Variants in DOCK3 observed in about 807,000 individuals in gnomAD.
DOCK3 encodes the protein dedicator of cytokinesis 3.
A neutral mutation model predicts 265.6 loss-of-function variants in DOCK3; 60 were observed. That is an observed-to-expected ratio of 0.23 (90% CI 0.18 to 0.28). The LOEUF is 0.28. DOCK3 is among the 10% of genes least tolerant of loss of function. The pLI, the probability that DOCK3 is intolerant of heterozygous loss-of-function variation, is 1.00. For synonymous variants in DOCK3, 881 were observed against 938.0 expected (o/e 0.94, Z 1.11); for missense variants, 1,981 against 2,594.3 (o/e 0.76, Z 5.14).
At chr3:51,321,497 T>A (rs2083724397) in intron 32 of DOCK3, among the ~76,000 whole-genome samples, 2 of 152,132 alleles carry the variant, frequency 1.3e-5, no homozygotes, top group Admixed American at 1.3e-4. Flanking sequence ...TTGACAGAAG[T>A]AGGCTTTGGA....
rs1392875011 is a variant in DOCK3 at position 51,202,147 on chromosome 3, G to A, written c.1038-6627G>A. On this transcript the variant is annotated intron_variant, in intron 12 of 52. Transcript: ENST00000266037. Reference sequence around the variant, plus strand: ...CAAGAGCAAACACATTCAAAAGCTAGCAGAAGGCAAGAAATAACTAAGAGC... The same window carrying A: ...CAAGAGCAAACACATTCAAAAGCTAACAGAAGGCAAGAAATAACTAAGAGC... 3.5e-4 allele frequency among the ~76,000 whole-genome samples: 28 copies of A among 80,062 alleles called. No homozygotes were observed. In the South Asian group the frequency reaches 0.014, roughly 41 times the overall value. 52.5% of individuals were successfully genotyped at this position (80,062 alleles called of 152,430 possible).
rs148303499 is a variant in DOCK3 at position 51,360,459 on chromosome 3, A to G, written c.4885-52A>G. On this transcript the variant is annotated intron_variant, in intron 46 of 52. Coordinates refer to ENST00000266037, the MANE Select transcript of DOCK3 (RefSeq NM_004947.5). ...AGTCAGTTATTCCCTCACATCCCTT[A>G]GTTACTTATTTATTCTTTACTCTCT... 11 of 1,567,434 alleles carry G rather than the reference A, an allele frequency of 7.0e-6. No individual in the cohort carries two copies. The East Asian group carries it at 1.8e-4, about 26-fold the overall frequency.
At chr3:50,754,180 A>AAAAC (rs2040014167) in intron 1 of DOCK3, among the ~76,000 whole-genome samples, 2 of 150,830 alleles carry the variant, frequency 1.3e-5, no homozygotes, top group Non-Finnish European at 3.0e-5. Context: ...AAAAAAAAAA[A>AAAAC]AGCTGCAGGA....
rs369527068 is a variant in DOCK3, at chr3:51,339,947, GTATCT to G, written c.3766+925_3766+929del. On this transcript the variant is annotated intron_variant, in intron 37 of 52. Coordinates refer to ENST00000266037, the MANE Select transcript of DOCK3 (RefSeq NM_004947.5). Reference sequence around the variant, plus strand: ...CGTTAGAGAGTGTTTGGCATAGATGGTATCTTATCTGATAGCATAGCTTGGCAAGA... The same window carrying G: ...CGTTAGAGAGTGTTTGGCATAGATGGTATCTGATAGCATAGCTTGGCAAGA... Among the ~76,000 whole-genome samples, 211 of 152,290 alleles carry G rather than the reference GTATCT, an allele frequency of 1.4e-3. 2 individuals are homozygous for G. The highest frequency in any genetic ancestry group is 5.0e-3 in the African/African-American group (207 of 41,558).
At chr3:51,249,648 TGG>T (rs375574220) in intron 22 of DOCK3, among the ~76,000 whole-genome samples, 5 of 47,156 alleles carry the variant, frequency 1.1e-4, no homozygotes, top group Non-Finnish European at 2.0e-4. Flanking sequence ...GGGAGGGAGG[TGG>T]GGGGGGGTCA....
In DOCK3 at chr3:51,310,041, C is replaced by T. The variant is rs535779013; in HGVS notation, c.2923-191C>T. On this transcript the variant is annotated intron_variant, in intron 27 of 52. Transcript: ENST00000266037. ...GTTCTGCCCAGTTTGGGTCTGCTTCCATCTGGCCTGTGAGAGTACCCAGAA... is the reference window on the plus strand; with the variant it reads ...GTTCTGCCCAGTTTGGGTCTGCTTCTATCTGGCCTGTGAGAGTACCCAGAA... Among the ~76,000 whole-genome samples, 4 of 152,308 alleles carry T rather than the reference C, an allele frequency of 2.6e-5. No homozygotes were observed. The East Asian group carries it at 7.7e-4, about 29-fold the overall frequency.
chr3:50,729,062 T>G (rs2038021845), intron 1 of DOCK3, among the ~76,000 whole-genome samples: 1 of 139,986 alleles, frequency 7.1e-6, no homozygotes, highest in African/African-American at 2.6e-5. Flanking sequence ...GGCTCATACC[T>G]GTAATCCCAG....
intron 46 of DOCK3, 22 bp from the exon 47 acceptor site, chr3:51,360,489 A>C: frequency 6.2e-7 from 1 of 1,603,064 alleles, no homozygotes; most frequent in Non-Finnish European, 8.5e-7. Flanking sequence ...CTCTCTATGA[A>C]GGGGCATTCA....
chr3:50,793,358 C>CTTTTTTTTTTT (rs568370017), intron 2 of DOCK3, among the ~76,000 whole-genome samples: 1 of 130,798 alleles, frequency 7.6e-6, no homozygotes, highest in Non-Finnish European at 1.6e-5. Context: ...TTTTCTTTTT[C>CTTTTTTTTTTT]TTTTTTTTTT....
At position 51,374,710 on chromosome 3, in the gene DOCK3, G is replaced by A. The variant is rs1465691706; in HGVS notation, c.5412+123G>A. 22 of 921,050 alleles carry A rather than the reference G, an allele frequency of 2.4e-5. No homozygotes were observed. The highest frequency in any genetic ancestry group is 3.3e-5 in the Non-Finnish European group (20 of 601,434). 57.1% of individuals were successfully genotyped at this position (921,050 alleles called of 1,614,324 possible). A position where few individuals can be genotyped will look rare whatever the true frequency, so the allele number is the denominator to read the frequency against. ...CTCTCTCATTCCGCTGTAAGATCCC[G>A]CAAAAGGCCGCTGGGCTTCTGGATG... is the stretch of plus-strand genomic sequence containing the variant. On this transcript the variant is annotated intron_variant, in intron 50 of 52. Coordinates refer to ENST00000266037, the MANE Select transcript of DOCK3 (RefSeq NM_004947.5). This position sits in a 1 kb window ranked among gnomAD's most constrained non-coding sequence, Gnocchi z 4.8.
chr3:51,364,601 G>C (rs1335452201), intron 49 of DOCK3, among the ~76,000 whole-genome samples: 1 of 152,052 alleles, frequency 6.6e-6, no homozygotes, highest in Non-Finnish European at 1.5e-5. Context: ...TTTCTTCTGG[G>C]GTTTTTATGG....
intron 2 of DOCK3, among the ~76,000 whole-genome samples, chr3:50,799,177 A>C (rs974894912): frequency 6.6e-6 from 1 of 152,068 alleles, no homozygotes; most frequent in Non-Finnish European, 1.5e-5. Context: ...TTTTTGCCCA[A>C]GATTGCTTTG....
At chr3:50,890,535 C>G (rs1204604733) in intron 4 of DOCK3, among the ~76,000 whole-genome samples, 2 of 152,004 alleles carry the variant, frequency 1.3e-5, no homozygotes, top group African/African-American at 4.8e-5. Flanking sequence ...ACAAAGCAAT[C>G]TGCCTAAAAA....
intron 22 of DOCK3, among the ~76,000 whole-genome samples, chr3:51,248,406 G>C (rs961523999): frequency 6.6e-6 from 1 of 152,242 alleles, no homozygotes; most frequent in Non-Finnish European, 1.5e-5. Flanking sequence ...TGTTGGCCGG[G>C]CTGGTCTCCA....
At chr3:50,806,926 T>A (rs2043456581) in intron 2 of DOCK3, among the ~76,000 whole-genome samples, 1 of 152,092 alleles carries the variant, frequency 6.6e-6, no homozygotes, top group Non-Finnish European at 1.5e-5. Flanking sequence ...TCAGGGGGTG[T>A]AAGGACTGTA....
intron 12 of DOCK3, among the ~76,000 whole-genome samples, chr3:51,192,935 A>G (rs527550039): frequency 2.6e-5 from 4 of 152,178 alleles, no homozygotes; most frequent in Non-Finnish European, 5.9e-5. Context: ...TTCTCTGGCT[A>G]GGACTTTCAG....
chr3:51,377,385 T>C (rs1342238729), intron 51 of DOCK3, among the ~76,000 whole-genome samples: 1 of 152,250 alleles, frequency 6.6e-6, no homozygotes, highest in Non-Finnish European at 1.5e-5. Flanking sequence ...GTCATCATTC[T>C]CTTGTCTGTC....
chr3:51,314,477 G>A (rs2083259288), intron 31 of DOCK3, among the ~76,000 whole-genome samples: 1 of 152,216 alleles, frequency 6.6e-6, no homozygotes, highest in South Asian at 2.1e-4. Flanking sequence ...CATAGGCAGT[G>A]TAAAAATCCA....
intron 2 of DOCK3, among the ~76,000 whole-genome samples, chr3:50,792,542 G>A (rs974930035): frequency 6.6e-6 from 1 of 152,178 alleles, no homozygotes; most frequent in Non-Finnish European, 1.5e-5. Flanking sequence ...GGTTTTCAAG[G>A]GGAATGCTTC....
Sources: gnomAD v4.1 joint callset for allele counts (sites outside exome capture counted in the v4.1 genomes callset) on GRCh38, gnomAD v4.1.1 for gene constraint, Gnocchi (gnomAD v3.1) non-coding constraint, MANE v1.5 for transcripts, NCBI Gene and HGNC (gene_info 2026-07-23, HGNC 2026-07-21) for gene names.